Variants in ILDR2 observed in about 807,000 individuals in gnomAD.
ILDR2 encodes the protein immunoglobulin-like domain-containing receptor 2.
A neutral mutation model predicts 66.8 loss-of-function variants in ILDR2; 25 were observed. The ratio of observed to expected loss-of-function variants is 0.37; its 90% CI spans 0.27 to 0.52. The LOEUF is 0.52. ILDR2 is among the 20% of genes least tolerant of loss of function. The probability of loss-of-function intolerance (pLI) is 0.88; values close to 1 mark genes in which losing one functional copy is unlikely to be tolerated. For synonymous variants in ILDR2, 367 were observed against 357.2 expected (o/e 1.03, Z -0.31); for missense variants, 827 against 876.8 (o/e 0.94, Z 0.72).
chr1:166,921,110 C>T lies in ILDR2; in HGVS notation c.1481G>A (p.Gly494Asp). The T allele has an allele frequency of 1.3e-6, 2 of 1,516,370 alleles. No individual in the cohort carries two copies. Among genetic ancestry groups the T allele is most frequent in the Non-Finnish European group, 1.8e-6 (2 of 1,138,928 alleles). The allele number at this position is 1,516,370 out of a possible 1,614,324, so 93.9% of individuals were successfully genotyped here. Reference sequence around the variant, plus strand: ...GCGGCGCGCGGGGCTGAAGGCCCAGCCGCGGTCAGCATCGGTCAGGGGCTC... The same window carrying T: ...GCGGCGCGCGGGGCTGAAGGCCCAGTCGCGGTCAGCATCGGTCAGGGGCTC... ...SREPLTDADR[G>D]WAFSPARRRP... is the part of the protein sequence containing the mutation. Residue 494 changes from glycine (G) to aspartate (D), a missense_variant, in exon 9 of 10, where the codon GGC becomes GAC. By Grantham distance (94) the Gly-to-Asp change is moderately conservative. Coordinates refer to ENST00000271417, the MANE Select transcript of ILDR2 (RefSeq NM_199351.3). This position sits in a 1 kb window ranked among gnomAD's most constrained non-coding sequence, Gnocchi z 5.3.
In ILDR2 at chr1:166,951,930, C is replaced by G. The variant is rs139480522; in HGVS notation, c.499+4803G>C. ...ACCCCTTCCCTCATATCCTCTTATTCTATTCTTGGCCCATAGGCAGGGGTG... is the reference window on the plus strand; with the variant it reads ...ACCCCTTCCCTCATATCCTCTTATTGTATTCTTGGCCCATAGGCAGGGGTG... On this transcript the variant is annotated intron_variant, in intron 3 of 9. Coordinates refer to ENST00000271417, the MANE Select transcript of ILDR2 (RefSeq NM_199351.3). Among the ~76,000 whole-genome samples the G allele has an allele frequency of 5.2e-4, 79 of 152,242 alleles. 2 individuals are homozygous for G. The East Asian group carries it at 0.015, about 28-fold the overall frequency.
At chr1:166,907,424 G>A (rs1329546300), downstream of ILDR2, among the ~76,000 whole-genome samples, 2 of 152,160 alleles carry the variant, frequency 1.3e-5, no homozygotes, top group African/African-American at 2.4e-5. Context: ...AGTTATTTAC[G>A]TCTCAGGAAT....
At position 166,920,814 on chromosome 1, in the gene ILDR2, G is replaced by C. The variant is rs1049942147; in HGVS notation, c.1777C>G (p.Pro593Ala). The change falls in exon 9 of 10, where the codon CCC (proline) becomes GCC (alanine). Residue 593 changes from proline (P) to alanine (A), a missense_variant. Around this residue, in one of 2 missense-constraint regions of ILDR2, gnomAD observed 390 missense variants for 353.6 expected, o/e 1.10. Transcript: ENST00000271417. ...QEDASDDALP[P>A]YSELELTRGP... ...CGGGTCAGCTCCAGCTCGCTGTAGGGCGGCAGCGCGTCGTCGGACGCGTCC... is the reference window on the plus strand; with the variant it reads ...CGGGTCAGCTCCAGCTCGCTGTAGGCCGGCAGCGCGTCGTCGGACGCGTCC... The C allele has an allele frequency of 2.0e-6, 3 of 1,526,928 alleles. No homozygotes were observed. Among genetic ancestry groups the C allele is most frequent in the Non-Finnish European group, 2.6e-6 (3 of 1,139,944 alleles). The allele number at this position is 1,526,928 out of a possible 1,614,324, so 94.6% of individuals were successfully genotyped here. A position where few individuals can be genotyped will look rare whatever the true frequency, so the allele number is the denominator to read the frequency against.
At chr1:166,897,690 G>A (rs981345768) in intron 2 of ILDR2, among the ~76,000 whole-genome samples, 11 of 152,166 alleles carry the variant, frequency 7.2e-5, no homozygotes, top group Non-Finnish European at 1.6e-4. Context: ...GAGCCTCCTC[G>A]TTGGTAATAT....
At chr1:166,974,715 G>T (rs777991696) in intron 1 of ILDR2, among the ~76,000 whole-genome samples, 2 of 152,060 alleles carry the variant, frequency 1.3e-5, no homozygotes, top group African/African-American at 4.8e-5. Flanking sequence ...ACCCTCCAGA[G>T]AGCCACAGAG....
intron 6 of ILDR2, among the ~76,000 whole-genome samples, chr1:166,929,804 G>A (rs927243389): frequency 9.2e-5 from 14 of 152,188 alleles, no homozygotes; most frequent in African/African-American, 3.4e-4. Context: ...TAGCAGATGA[G>A]GCCATATGGG....
intron 3 of ILDR2, among the ~76,000 whole-genome samples, chr1:166,946,794 C>A (rs1226107632): frequency 6.6e-6 from 1 of 152,182 alleles, no homozygotes; most frequent in Non-Finnish European, 1.5e-5. Flanking sequence ...GCACCAACTG[C>A]CTTCTAGTCT....
downstream of ILDR2, among the ~76,000 whole-genome samples, chr1:166,907,874 G>A (rs1659376701): frequency 6.6e-6 from 1 of 152,176 alleles, no homozygotes; most frequent in South Asian, 2.1e-4. Context: ...CCATGTTAGA[G>A]AAGGCCGCTT....
chr1:166,946,381 T>C (rs974619488), intron 3 of ILDR2, among the ~76,000 whole-genome samples: 6 of 152,240 alleles, frequency 3.9e-5, no homozygotes, highest in Non-Finnish European at 8.8e-5. Context: ...CTTTAAATTA[T>C]AGTCTTAAAG....
intron 2 of ILDR2, among the ~76,000 whole-genome samples, chr1:166,897,178 G>C (rs1659182676): frequency 6.6e-6 from 1 of 151,962 alleles, no homozygotes; most frequent in Admixed American, 6.6e-5. Flanking sequence ...TATTGCTATA[G>C]TCCACATTAG....
chr1:166,958,221 A>G, intron 1 of ILDR2, 120 bp from the exon 2 acceptor site: 1 of 747,326 alleles, frequency 1.3e-6, no homozygotes, highest in Non-Finnish European at 2.2e-6. Context: ...TCATTTTCAC[A>G]ATTATAATTA....
intron 1 of ILDR2, among the ~76,000 whole-genome samples, chr1:166,968,903 A>G (rs2102025426): frequency 6.6e-6 from 1 of 152,262 alleles, no homozygotes; most frequent in South Asian, 2.1e-4. Context: ...CAGGTCTCAT[A>G]TAATATGAGC....
At position 166,935,478 on chromosome 1, in the gene ILDR2, C is replaced by T; in HGVS notation, c.704-1G>A. 3 of 1,572,130 alleles carry T rather than the reference C, an allele frequency of 1.9e-6. No individual in the cohort carries two copies. The highest frequency in any genetic ancestry group is 2.6e-6 in the Non-Finnish European group (3 of 1,160,994). ...TTTGCTGCTTTCCCTGCTTCATACA[C>T]TGTGGAGGGAGATCAAGAGCAAGAG... On this transcript the variant is annotated splice_acceptor_variant, in intron 5 of 9. Transcript: ENST00000271417. LOFTEE classifies it high-confidence loss of function.
chr1:166,929,653 C>T (rs1013421526), intron 6 of ILDR2, among the ~76,000 whole-genome samples: 1 of 152,196 alleles, frequency 6.6e-6, no homozygotes, highest in Non-Finnish European at 1.5e-5. Context: ...ACTAGGTTCG[C>T]TTCTGTATCC....
At chr1:166,930,055 G>A (rs761238035) in intron 6 of ILDR2, among the ~76,000 whole-genome samples, 3 of 152,160 alleles carry the variant, frequency 2.0e-5, no homozygotes, top group Non-Finnish European at 1.5e-5. Flanking sequence ...GGCCCATAAA[G>A]TTGTTGCTAT....
chr1:166,921,497 C>T lies in ILDR2; in HGVS notation c.1212-118G>A. ...GCTCAGGAGACCTCGGCCTGAGCCT[C>T]AGCTCCGCTCCAGGCTGGATGAAGC... On this transcript the variant is annotated intron_variant, in intron 8 of 9. Transcript: ENST00000271417. The surrounding 1 kb of genome is among the most constrained non-coding windows in gnomAD (Gnocchi z 5.3). 1 of 807,594 alleles carries T rather than the reference C, an allele frequency of 1.2e-6. No individual in the cohort carries two copies. Among genetic ancestry groups the T allele is most frequent in the Non-Finnish European group, 1.9e-6 (1 of 529,384 alleles). The allele number at this position is 807,594 out of a possible 1,614,324, so 50.0% of individuals were successfully genotyped here.
At chr1:166,902,982 C>G (rs1267934863) in intron 2 of ILDR2, among the ~76,000 whole-genome samples, 1 of 152,120 alleles carries the variant, frequency 6.6e-6, no homozygotes, top group Non-Finnish European at 1.5e-5. Flanking sequence ...CATTCATAAT[C>G]TATCCTGTAT....
At chr1:166,933,921 G>A (rs1660786588) in intron 6 of ILDR2, among the ~76,000 whole-genome samples, 1 of 152,114 alleles carries the variant, frequency 6.6e-6, no homozygotes, top group Non-Finnish European at 1.5e-5. Flanking sequence ...ATTACTCACT[G>A]AGGATAGCCA....
downstream of ILDR2, among the ~76,000 whole-genome samples, chr1:166,903,999 A>C (rs1201998285): frequency 1.3e-5 from 2 of 152,132 alleles, no homozygotes; most frequent in African/African-American, 2.4e-5. Flanking sequence ...CCTTTTATGA[A>C]ATCATTTGAG....
Sources: allele counts gnomAD v4.1 joint callset (sites outside exome capture counted in the v4.1 genomes callset), GRCh38; gene constraint gnomAD v4.1.1; regional missense constraint gnomAD v4.1.1; non-coding constraint Gnocchi (gnomAD v3.1); transcripts MANE v1.5; gene names NCBI Gene and HGNC (gene_info 2026-07-23, HGNC 2026-07-21).